The following SLC20A2 variants were observed in gnomAD, a reference collection of about 807,000 sequenced individuals.
SLC20A2 encodes the protein solute carrier family 20 member 2, also known as sodium-dependent phosphate transporter 2.
In SLC20A2, 30 loss-of-function variants were observed where a neutral mutation model predicts 61.0. The observed-to-expected ratio is 0.49, with a 90% CI of 0.37 to 0.67. The LOEUF is 0.67. Ranked by LOEUF, SLC20A2 falls within the 30% of genes least tolerant of loss-of-function variation. SLC20A2 has a pLI of 0.00. For missense variants in SLC20A2, 626 were observed against 866.4 expected (o/e 0.72, Z 3.48); for synonymous variants, 351 against 353.3 (o/e 0.99, Z 0.07).
intron 5 of SLC20A2, among the ~76,000 whole-genome samples, chr8:42,447,969 G>C (rs547702418): frequency 6.6e-6 from 1 of 152,336 alleles, no homozygotes; most frequent in South Asian, 2.1e-4. Context: ...AGAGCCGCTT[G>C]TGCGACCCCT....
rs187538462 is a variant in SLC20A2 at position 42,418,312 on chromosome 8, G to A, written c.1795-345C>T. 3.1e-3 allele frequency among the ~76,000 whole-genome samples: 467 copies of A among 150,806 alleles called. 1 individual carries two copies. The highest frequency in any genetic ancestry group is 0.011 in the African/African-American group (449 of 40,964). Reference sequence around the variant, plus strand: ...CTCCTGAGCAGCTGAGATTACAGGCGCATGCCATCACCCTTGGCTAATTTT... The same window carrying A: ...CTCCTGAGCAGCTGAGATTACAGGCACATGCCATCACCCTTGGCTAATTTT... On this transcript the variant is annotated intron_variant, in intron 10 of 10. Coordinates refer to ENST00000520262, the MANE Select transcript of SLC20A2 (RefSeq NM_001257180.2).
intron 2 of SLC20A2, among the ~76,000 whole-genome samples, chr8:42,467,916 A>G (rs1240564058): frequency 1.3e-5 from 2 of 150,936 alleles, no homozygotes; most frequent in African/African-American, 4.9e-5. Context: ...GATATGGTTT[A>G]TATTCTTTTT....
In SLC20A2 at chr8:42,439,655, T is replaced by G. The variant is rs1391471697; in HGVS notation, c.731-2A>C. 1 of 1,609,358 alleles carries G rather than the reference T, an allele frequency of 6.2e-7. No homozygotes were observed. The highest frequency in any genetic ancestry group is 2.2e-5 in the East Asian group (1 of 44,860). On this transcript the variant is annotated splice_acceptor_variant, in intron 6 of 10. Transcript: ENST00000520262. LOFTEE classifies it high-confidence loss of function. ...AAGCACCTTCTTTTTGTAATTTGCC[T>G]AAAGAAAACAAAGTCATACTGAACA... is the stretch of plus-strand genomic sequence containing the variant.
Position 42,540,018 on chromosome 8 carries a change from G to A in SLC20A2, c.-265+1803C>T, listed in dbSNP as rs142254051. On this transcript the variant is annotated intron_variant, in intron 1 of 10. Transcript: ENST00000342228. Reference sequence around the variant, plus strand: ...CATTTAATGCACACGTTTGCCCGGCGCGGTGGCTCACGCCTGTAATCCCAG... The same window carrying A: ...CATTTAATGCACACGTTTGCCCGGCACGGTGGCTCACGCCTGTAATCCCAG... 3.4e-3 allele frequency among the ~76,000 whole-genome samples: 522 copies of A among 152,294 alleles called. 2 individuals carry two copies. The highest frequency in any genetic ancestry group is 0.011 in the African/African-American group (472 of 41,574).
intron 1 of SLC20A2, among the ~76,000 whole-genome samples, chr8:42,487,514 C>T (rs1327478543): frequency 1.3e-5 from 2 of 152,160 alleles, no homozygotes; most frequent in East Asian, 1.9e-4. Flanking sequence ...CTGCTTTCTG[C>T]CCCTTCTCTG....
intron 1 of SLC20A2, among the ~76,000 whole-genome samples, chr8:42,478,783 T>C (rs1175714310): frequency 6.6e-6 from 1 of 151,920 alleles, no homozygotes; most frequent in Non-Finnish European, 1.5e-5. Context: ...TAAAAGGTAA[T>C]GTTCACTTTT....
At chr8:42,460,301 C>T (rs1026933318) in intron 4 of SLC20A2, 34 of 235,020 alleles carry the variant, frequency 1.4e-4, no homozygotes, top group Non-Finnish European at 1.6e-4. Flanking sequence ...TGGGTCAAGC[C>T]GGTTCCGGAG....
chr8:42,455,257 T>TATATATATATATAG (rs1357416749), intron 5 of SLC20A2, among the ~76,000 whole-genome samples: 2 of 81,622 alleles, frequency 2.5e-5, no homozygotes, highest in African/African-American at 8.8e-5. Flanking sequence ...TATATATATA[T>TATATATATATATAG]AGAGAGAGAG....
chr8:42,529,326 GA>G (rs1185251923), intron 1 of SLC20A2, among the ~76,000 whole-genome samples: 12 of 151,486 alleles, frequency 7.9e-5, no homozygotes, highest in African/African-American at 2.9e-4. Flanking sequence ...AAAGAATTTT[GA>G]AAAAAATAAA....
chr8:42,527,060 T>C (rs930425889), intron 1 of SLC20A2, among the ~76,000 whole-genome samples: 7 of 149,418 alleles, frequency 4.7e-5, no homozygotes, highest in South Asian at 2.1e-4. Flanking sequence ...GCTGAGTTCG[T>C]ACCACTGCAC....
chr8:42,522,867 G>C (rs1188480551), intron 1 of SLC20A2, among the ~76,000 whole-genome samples: 12 of 126,956 alleles, frequency 9.5e-5, no homozygotes, highest in Admixed American at 6.7e-4. Context: ...ACCACACCTG[G>C]CTAATAATAA....
intron 1 of SLC20A2, among the ~76,000 whole-genome samples, chr8:42,475,699 C>A (rs1274495606): frequency 3.9e-5 from 6 of 152,002 alleles, no homozygotes; most frequent in Non-Finnish European, 8.8e-5. Context: ...GCGTGAGCCA[C>A]CACACCAGGG....
At chr8:42,527,333 T>C (rs991849326) in intron 1 of SLC20A2, among the ~76,000 whole-genome samples, 3 of 148,390 alleles carry the variant, frequency 2.0e-5, no homozygotes, top group Non-Finnish European at 3.0e-5. Context: ...GATCGCACCA[T>C]TGCACTCCAG....
At chr8:42,434,098 C>CCCAGGCTGGAGTGCAGTGGCACAATCTCA (rs1415508056) in intron 8 of SLC20A2, among the ~76,000 whole-genome samples, 1 of 151,962 alleles carries the variant, frequency 6.6e-6, no homozygotes, top group Non-Finnish European at 1.5e-5. Flanking sequence ...CCCTCTGTTG[C>CCCAGGCTGGAGTGCAGTGGCACAATCTCA]CCAGGCTGGA....
intron 10 of SLC20A2, among the ~76,000 whole-genome samples, chr8:42,420,269 G>T (rs1445039527): frequency 6.6e-6 from 1 of 151,666 alleles, no homozygotes; most frequent in Non-Finnish European, 1.5e-5. Context: ...TTTATGTGTA[G>T]TCTTCACTGA....
intron 6 of SLC20A2, among the ~76,000 whole-genome samples, chr8:42,442,388 T>C (rs903668357): frequency 2.0e-5 from 3 of 152,250 alleles, no homozygotes; most frequent in Non-Finnish European, 2.9e-5. Context: ...AAGTTAATTT[T>C]TAAAATAAGG....
intron 8 of SLC20A2, among the ~76,000 whole-genome samples, chr8:42,434,896 G>A (rs1414271440): frequency 6.6e-6 from 1 of 151,802 alleles, no homozygotes; most frequent in Non-Finnish European, 1.5e-5. Context: ...GTGAGTGTGC[G>A]TGTGAGTGCG....
intron 1 of SLC20A2, among the ~76,000 whole-genome samples, chr8:42,532,840 G>C (rs912717121): frequency 6.6e-6 from 1 of 152,196 alleles, no homozygotes; most frequent in African/African-American, 2.4e-5. Context: ...GGGTGAAGTG[G>C]CAGGTGCGCA....
chr8:42,439,341 G>A (rs1000105907), intron 7 of SLC20A2, 109 bp downstream of exon 7: 15 of 982,744 alleles, frequency 1.5e-5, no homozygotes, highest in Non-Finnish European at 2.2e-5. Flanking sequence ...AAAACTGGGG[G>A]ATCCTTTTGT....
Sources: allele counts gnomAD v4.1 joint callset (sites outside exome capture counted in the v4.1 genomes callset), GRCh38; gene constraint gnomAD v4.1.1; transcripts MANE v1.5; gene names NCBI Gene and HGNC (gene_info 2026-07-23, HGNC 2026-07-21).